The following IL36B variants were observed in gnomAD, a reference collection of about 807,000 sequenced individuals.
IL36B encodes interleukin 36 beta.
A neutral mutation model predicts 19.3 loss-of-function variants in IL36B; 23 were observed. The observed-to-expected ratio is 1.19, with a 90% confidence interval of 0.86 to 1.69. IL36B has a LOEUF of 1.69. IL36B is among the 40% of genes most tolerant of loss of function. The pLI is 0.00. For missense variants in IL36B, 217 were observed against 200.5 expected, an observed-to-expected ratio of 1.08 and a Z score of -0.50; for synonymous variants, 59 against 59.7, an observed-to-expected ratio of 0.99 and a Z score of 0.05.
chr2:113,030,847 C>T (rs1286477350), intron 3 of IL36B, among the ~76,000 whole-genome samples: 1 of 152,136 alleles, frequency 6.6e-6, no homozygotes, highest in East Asian at 1.9e-4. Flanking sequence ...GCTGTCAACC[C>T]TTCACACCCT....
intron 1 of IL36B, among the ~76,000 whole-genome samples, chr2:113,036,887 G>C (rs935902545): frequency 1.3e-5 from 2 of 152,372 alleles, no homozygotes; most frequent in Non-Finnish European, 2.9e-5. Context: ...GCACTGCCCT[G>C]TGTAGCCTGC....
chr2:113,029,625 T>C (rs981584465), intron 3 of IL36B, among the ~76,000 whole-genome samples: 6 of 152,024 alleles, frequency 3.9e-5, no homozygotes, highest in Non-Finnish European at 5.9e-5. Flanking sequence ...ATGTTAGCGG[T>C]TTTGAGAAGA....
intron 1 of IL36B, among the ~76,000 whole-genome samples, chr2:113,040,645 C>T (rs1047268667): frequency 1.3e-5 from 2 of 152,120 alleles, no homozygotes; most frequent in South Asian, 4.1e-4. Context: ...TACATAGCAT[C>T]AAAAACTTCA....
chr2:113,049,608 T>C (rs976681461), intron 1 of IL36B, among the ~76,000 whole-genome samples: 43 of 152,124 alleles, frequency 2.8e-4, no homozygotes, highest in African/African-American at 1.0e-3. Flanking sequence ...TTCACACCCA[T>C]TAAGATGGTT....
chr2:113,027,830 A>G, intron 4 of IL36B: 2 of 1,576,428 alleles, frequency 1.3e-6, no homozygotes, highest in Non-Finnish European at 1.7e-6. Context: ...TCAGTCGCAT[A>G]ATGATCTGTT....
chr2:113,047,494 C>G (rs534641619), intron 1 of IL36B, among the ~76,000 whole-genome samples: 2 of 152,206 alleles, frequency 1.3e-5, no homozygotes, highest in East Asian at 3.9e-4. Context: ...AATTAAGGCT[C>G]TTGGCAAGAA....
chr2:113,050,307 C>A (rs1172093621), intron 1 of IL36B, among the ~76,000 whole-genome samples: 8 of 151,330 alleles, frequency 5.3e-5, no homozygotes, highest in Admixed American at 5.3e-4. Flanking sequence ...ATGGATGAAT[C>A]TTGAAAGTAA....
At chr2:113,042,354 C>T (rs1028609420) in intron 1 of IL36B, among the ~76,000 whole-genome samples, 3 of 59,302 alleles carry the variant, frequency 5.1e-5, no homozygotes, top group African/African-American at 1.6e-4. Flanking sequence ...ACACAATAAA[C>T]GGCGCAAAAT....
At chr2:113,035,588 G>A (rs1370210097) in intron 1 of IL36B, among the ~76,000 whole-genome samples, 1 of 152,060 alleles carries the variant, frequency 6.6e-6, no homozygotes, top group East Asian at 1.9e-4. Flanking sequence ...GAGAAAAAAA[G>A]CAAGTGAATA....
intron 5 of IL36B, among the ~76,000 whole-genome samples, chr2:113,024,551 C>G (rs1028434019): frequency 6.6e-6 from 1 of 152,178 alleles, no homozygotes; most frequent in Non-Finnish European, 1.5e-5. Flanking sequence ...CAAAGAACAT[C>G]ACAGCTCTCG....
In IL36B at chr2:113,027,836, C is replaced by T. The variant is rs531495605; in HGVS notation, c.261+1103G>A. 1.2e-5 allele frequency: 19 copies of T among 1,584,596 alleles called. No homozygotes were observed. In the African/African-American group the frequency reaches 2.1e-4, roughly 18 times the overall value. On this transcript the variant is annotated intron_variant, in intron 4 of 5. Transcript: ENST00000259213. ...CTAGTGAACTCAGTCGCATAATGAT[C>T]TGTTAAGATGACTCTGACAGCTTGA...
chr2:113,030,375 G>A (rs557191579), intron 3 of IL36B, among the ~76,000 whole-genome samples: 2 of 152,296 alleles, frequency 1.3e-5, no homozygotes, highest in African/African-American at 4.8e-5. Context: ...AGAAGGTTGG[G>A]GGGGAGTAGG....
chr2:113,034,032 A>C (rs1685125049), intron 1 of IL36B, among the ~76,000 whole-genome samples: 1 of 152,160 alleles, frequency 6.6e-6, no homozygotes, highest in Non-Finnish European at 1.5e-5. Flanking sequence ...ATGTCCACCT[A>C]GCAGTGACCA....
At chr2:113,048,637 C>T (rs141598749) in intron 1 of IL36B, among the ~76,000 whole-genome samples, 14 of 151,932 alleles carry the variant, frequency 9.2e-5, no homozygotes, top group Admixed American at 2.0e-4. Context: ...TTTATAAGAT[C>T]GGAGCAAAAA....
In IL36B at chr2:113,022,698, G is replaced by A. The variant is rs1684883350; in HGVS notation, c.471C>T (p.Asn157=). Residue 157 remains asparagine, a synonymous_variant, in exon 6 of 6, where the codon AAC becomes AAT. Transcript: ENST00000259213. ...TCTACATCCTTCCTGGCATTCCTAT[G>A]TTGGTCCGCATGGATGAGAAATCTT... The A allele has an allele frequency of 1.2e-6, 2 of 1,609,848 alleles. No homozygotes were observed. The highest frequency in any genetic ancestry group is 4.5e-5 in the East Asian group (2 of 44,852).
chr2:113,035,438 A>G (rs1685149770), intron 1 of IL36B, among the ~76,000 whole-genome samples: 1 of 151,996 alleles, frequency 6.6e-6, no homozygotes, highest in Non-Finnish European at 1.5e-5. Flanking sequence ...GGCCCCTAAC[A>G]TCTCAGCACT....
intron 4 of IL36B, chr2:113,026,260 T>G (rs999950334): frequency 1.2e-6 from 2 of 1,612,670 alleles, no homozygotes; most frequent in African/African-American, 1.3e-5. Flanking sequence ...TCAATGTTGC[T>G]GAGATAATAC....
At chr2:113,024,920 CTTGAGGCCAT>C (rs1204311863) in intron 5 of IL36B, among the ~76,000 whole-genome samples, 2 of 152,178 alleles carry the variant, frequency 1.3e-5, no homozygotes, top group African/African-American at 4.8e-5. Context: ...CATGGCCATC[CTTGAGGCCAT>C]TTGTGCTTAG....
intron 1 of IL36B, among the ~76,000 whole-genome samples, chr2:113,032,109 G>A (rs901709331): frequency 1.3e-5 from 2 of 148,982 alleles, no homozygotes; most frequent in African/African-American, 2.5e-5. Flanking sequence ...AGGAAGGAGG[G>A]AGAGACAGAG....
Sources: gnomAD v4.1 joint callset for allele counts (sites outside exome capture counted in the v4.1 genomes callset) on GRCh38, gnomAD v4.1.1 for gene constraint, MANE v1.5 for transcripts, NCBI Gene and HGNC (gene_info 2026-07-23, HGNC 2026-07-21) for gene names.